PRSS21: variants seen among roughly 807,000 people sequenced by gnomAD.
PRSS21 encodes serine protease 21.
A neutral mutation model predicts 31.1 loss-of-function variants in PRSS21; 40 were observed. The ratio of observed to expected loss-of-function variants is 1.29; its 90% confidence interval spans 1.00 to 1.68. PRSS21 has a LOEUF of 1.68. Among genes scored for constraint, PRSS21 ranks in the 40% most tolerant of loss-of-function variants. The pLI is 0.00. For missense variants in PRSS21, 467 were observed against 412.6 expected (o/e 1.13, Z -1.14); for synonymous variants, 186 against 167.7 (o/e 1.11, Z -0.84).
In PRSS21 at chr16:2,817,944, A is replaced by T. The variant is rs1171318396; in HGVS notation, c.235A>T (p.Thr79Ser). ...VSLLSHRWALTAAHCFETYSD... is the reference protein window; with the variant it reads ...VSLLSHRWALSAAHCFETYSD... The stretch of plus-strand genomic sequence containing the variant: ...CCTGCTCAGCCACCGCTGGGCACTC[A>T]CGGCGGCGCACTGCTTTGAAACGTG... Residue 79 changes from threonine to serine, a missense_variant, in exon 3 of 6, where the codon ACG becomes TCG. Physicochemically the swap from Thr to Ser is moderately conservative, Grantham distance 58. Transcript: ENST00000005995. The surrounding 1 kb of genome is among the most constrained non-coding windows in gnomAD (Gnocchi z 4.2). The T allele has an allele frequency of 3.2e-6, 5 of 1,548,976 alleles. No individual in the cohort carries two copies. In the Admixed American group the frequency reaches 7.8e-5, roughly 24 times the overall value.
chr16:2,818,785 G>T lies in PRSS21; in HGVS notation c.366G>T (p.Ser122=). 1 of 1,613,604 alleles carries T rather than the reference G, an allele frequency of 6.2e-7. No homozygotes were observed. The highest frequency in any genetic ancestry group is 8.5e-7 in the Non-Finnish European group (1 of 1,179,524). The part of the protein sequence containing the change: ...LQAYYTRYFV[S]NIYLSPRYLG... The stretch of plus-strand genomic sequence containing the variant: ...CCTACTACACCCGTTACTTCGTATC[G>T]AATATCTATCTGAGCCCTCGCTACC... Residue 122 remains serine (S), a synonymous_variant, in exon 4 of 6, where the codon TCG becomes TCT. Coordinates refer to ENST00000005995, the MANE Select transcript of PRSS21 (RefSeq NM_006799.4).
chr16:2,817,385 G>A lies in PRSS21; in HGVS notation c.65-45G>A, dbSNP rs993614623. ...GGGGAGGCGGGGGAGCGGTGGGGAG[G>A]ACGGGAGGTGGAGGCCGCGGGGAGT... On this transcript the variant is annotated intron_variant, in intron 1 of 5. Coordinates refer to ENST00000005995, the MANE Select transcript of PRSS21 (RefSeq NM_006799.4). The surrounding 1 kb of genome is among the most constrained non-coding windows in gnomAD (Gnocchi z 4.2). 2 of 1,588,556 alleles carry A rather than the reference G, an allele frequency of 1.3e-6. No individual in the cohort carries two copies. Among genetic ancestry groups the A allele is most frequent in the East Asian group, 2.3e-5 (1 of 44,292 alleles).
In PRSS21 at chr16:2,817,779, G is replaced by T. The variant is rs1021503999; in HGVS notation, c.92-22G>T. The stretch of plus-strand genomic sequence containing the variant: ...TTGGGGGGCTGCCTCCCGCGGCTCA[G>T]CAGTTCCTCTGACCATCCGAGGACC... On this transcript the variant is annotated intron_variant, in intron 2 of 5. Coordinates refer to ENST00000005995, the MANE Select transcript of PRSS21 (RefSeq NM_006799.4). The surrounding 1 kb of genome is among the most constrained non-coding windows in gnomAD (Gnocchi z 4.2). 1.3e-6 allele frequency: 2 copies of T among 1,544,394 alleles called. No individual in the cohort carries two copies. Among genetic ancestry groups the T allele is most frequent in the Non-Finnish European group, 1.7e-6 (2 of 1,143,500 alleles).
At chr16:2,820,436 C>T (rs955239750) in intron 4 of PRSS21, among the ~76,000 whole-genome samples, 8 of 152,146 alleles carry the variant, frequency 5.3e-5, no homozygotes, top group Non-Finnish European at 8.8e-5. Context: ...TGGGGGTCAG[C>T]GGGGCAATAT....
At chr16:2,820,708 G>C (rs534820857) in intron 4 of PRSS21, among the ~76,000 whole-genome samples, 10 of 152,202 alleles carry the variant, frequency 6.6e-5, no homozygotes, top group African/African-American at 2.4e-4. Flanking sequence ...CAGGGCCATT[G>C]TTGCCATTCT....
rs2069100606 is a variant in PRSS21 at position 2,817,723 on chromosome 16, G to A, written c.92-78G>A. 1 of 1,506,416 alleles carries A rather than the reference G, an allele frequency of 6.6e-7. No homozygotes were observed. Among genetic ancestry groups the A allele is most frequent in the Non-Finnish European group, 8.9e-7 (1 of 1,123,292 alleles). 93.3% of individuals were successfully genotyped at this position (1,506,416 alleles called of 1,614,324 possible). ...GGGCAAAAACGTGCTTTCCCGGACG[G>A]GGTTGAAGGGGAGAAAGGGAGAGGT... On this transcript the variant is annotated intron_variant, in intron 2 of 5. Transcript: ENST00000005995. This position sits in a 1 kb window ranked among gnomAD's most constrained non-coding sequence, Gnocchi z 4.2.
At position 2,817,674 on chromosome 16, in the gene PRSS21, C is replaced by T; in HGVS notation, c.92-127C>T. 1 of 1,330,890 alleles carries T rather than the reference C, an allele frequency of 7.5e-7. No individual in the cohort carries two copies. Among genetic ancestry groups the T allele is most frequent in the Non-Finnish European group, 1.0e-6 (1 of 981,594 alleles). The allele number at this position is 1,330,890 out of a possible 1,614,324, so 82.4% of individuals were successfully genotyped here. On this transcript the variant is annotated intron_variant, in intron 2 of 5. Coordinates refer to ENST00000005995, the MANE Select transcript of PRSS21 (RefSeq NM_006799.4). This position sits in a 1 kb window ranked among gnomAD's most constrained non-coding sequence, Gnocchi z 4.2. ...CTCCAGTGTCACCTACTTCCTGCTG[C>T]ACACACGCGAGGGGACCCTGGGTGG...
Position 2,817,278 on chromosome 16 carries a change from C to T in PRSS21, c.10C>T (p.Arg4Cys). 3.3e-6 allele frequency: 5 copies of T among 1,535,246 alleles called. No homozygotes were observed. The highest frequency in any genetic ancestry group is 2.3e-4 in the Middle Eastern group (1 of 4,342). The change falls in exon 1 of 6, where the codon CGC becomes TGC. Residue 4 changes from arginine (R) to cysteine (C), a missense_variant. Arg to Cys is a radical substitution (Grantham distance 180, BLOSUM62 -3). Transcript: ENST00000005995. This position sits in a 1 kb window ranked among gnomAD's most constrained non-coding sequence, Gnocchi z 4.2. MGA[R>C]GALLLALLLA... ...CGCGGGAGAGGAGGCCATGGGCGCGCGCGGGGCGCTGCTGCTGGCGCTGCT... is the reference window on the plus strand; with the variant it reads ...CGCGGGAGAGGAGGCCATGGGCGCGTGCGGGGCGCTGCTGCTGGCGCTGCT...
At position 2,817,401 on chromosome 16, in the gene PRSS21, C is replaced by T; in HGVS notation, c.65-29C>T. On this transcript the variant is annotated intron_variant, in intron 1 of 5. Coordinates refer to ENST00000005995, the MANE Select transcript of PRSS21 (RefSeq NM_006799.4). The surrounding 1 kb of genome is among the most constrained non-coding windows in gnomAD (Gnocchi z 4.2). ...GGTGGGGAGGACGGGAGGTGGAGGC[C>T]GCGGGGAGTCACTTCTTGTCTCCCG... 6.3e-7 allele frequency: 1 copy of T among 1,594,922 alleles called. No individual in the cohort carries two copies. Among genetic ancestry groups the T allele is most frequent in the Admixed American group, 1.7e-5 (1 of 59,516 alleles).
At chr16:2,820,553 G>A (rs1302345519) in intron 4 of PRSS21, among the ~76,000 whole-genome samples, 3 of 152,104 alleles carry the variant, frequency 2.0e-5, no homozygotes, top group Non-Finnish European at 2.9e-5. Context: ...GGCCTGGAAA[G>A]CGCCCAGCTG....
chr16:2,819,600 C>T (rs764880869), intron 4 of PRSS21, among the ~76,000 whole-genome samples: 7 of 152,208 alleles, frequency 4.6e-5, no homozygotes, highest in African/African-American at 4.8e-5. Flanking sequence ...CTGTCTGGCC[C>T]GTCCCTGCAT....
In PRSS21 at chr16:2,820,983, A is replaced by C. The variant is rs749063099; in HGVS notation, c.579A>C (p.Glu193Asp). 9.3e-6 allele frequency: 15 copies of C among 1,613,850 alleles called. No homozygotes were observed. Among genetic ancestry groups the C allele is most frequent in the African/African-American group, 1.3e-5 (1 of 74,924 alleles). ...TGCCATCTCCCCACACCCTCCAGGA[A>C]GTTCAGGTCGCCATCATAAACAACT... is the stretch of plus-strand genomic sequence containing the variant. ...EALPSPHTLQ[E>D]VQVAIINNSM... Residue 193 changes from glutamate (E) to aspartate (D), a missense_variant, in exon 5 of 6, where the codon GAA becomes GAC. Glu to Asp is a conservative substitution (Grantham distance 45, BLOSUM62 2). Coordinates refer to ENST00000005995, the MANE Select transcript of PRSS21 (RefSeq NM_006799.4).
intron 5 of PRSS21, 110 bp from the exon 6 acceptor site, chr16:2,821,256 G>A (rs1385266772): frequency 1.3e-6 from 2 of 1,533,468 alleles, no homozygotes; most frequent in Non-Finnish European, 1.8e-6. Flanking sequence ...CCAGGGGGAG[G>A]AGGAGGATGT....
At chr16:2,821,288 A>G in intron 5 of PRSS21, 78 bp from the exon 6 acceptor site, 1 of 1,575,634 alleles carries the variant, frequency 6.3e-7, no homozygotes. Context: ...ACCCAGCCCC[A>G]TAGCCCTTCC....
In PRSS21 at chr16:2,817,513, G is replaced by T; in HGVS notation, c.91+57G>T. ...GGGCCGTTGGGCCGAGGTGGACGGGGGGCGGTGAGGGGGTAGAGGGGGGCC... is the reference window on the plus strand; with the variant it reads ...GGGCCGTTGGGCCGAGGTGGACGGGTGGCGGTGAGGGGGTAGAGGGGGGCC... On this transcript the variant is annotated intron_variant, in intron 2 of 5. Coordinates refer to ENST00000005995, the MANE Select transcript of PRSS21 (RefSeq NM_006799.4). The surrounding 1 kb of genome is among the most constrained non-coding windows in gnomAD (Gnocchi z 4.2). 4 of 1,367,674 alleles carry T rather than the reference G, an allele frequency of 2.9e-6. No individual in the cohort carries two copies. The highest frequency in any genetic ancestry group is 1.3e-5 in the South Asian group (1 of 76,286). 84.7% of individuals were successfully genotyped at this position (1,367,674 alleles called of 1,614,324 possible). A position where few individuals can be genotyped will look rare whatever the true frequency, so the allele number is the denominator to read the frequency against.
chr16:2,821,470 C>G lies in PRSS21; in HGVS notation c.810C>G (p.Val270=). 6.2e-7 allele frequency: 1 copy of G among 1,614,226 alleles called. No individual in the cohort carries two copies. The highest frequency in any genetic ancestry group is 1.1e-5 in the South Asian group (1 of 91,088). ...VGCGRPNRPG[V]YTNISHHFEW... is the part of the protein sequence containing the mutation. ...GTGGTCGGCCCAATCGGCCCGGTGT[C>G]TACACCAATATCAGCCACCACTTTG... Residue 270 remains valine, a synonymous_variant, in exon 6 of 6, where the codon GTC becomes GTG. Transcript: ENST00000005995.
In PRSS21 at chr16:2,821,575, C is replaced by T. The variant is rs201178045; in HGVS notation, c.915C>T (p.Leu305=). ...GGCCGCTACTCTTTTTCCCTCTTCT[C>T]TGGGCTCTCCCACTCCTGGGGCCGG... is the stretch of plus-strand genomic sequence containing the variant. ...PSWPLLFFPL[L]WALPLLGPV is the part of the protein sequence containing the mutation. The change falls in exon 6 of 6, where the codon CTC becomes CTT. Residue 305 remains leucine, a synonymous_variant. Coordinates refer to ENST00000005995, the MANE Select transcript of PRSS21 (RefSeq NM_006799.4). The T allele has an allele frequency of 1.3e-4, 212 of 1,613,884 alleles. No individual in the cohort carries two copies. The highest frequency in any genetic ancestry group is 1.7e-4 in the Non-Finnish European group (196 of 1,179,940).
chr16:2,817,888 G>C lies in PRSS21; in HGVS notation c.179G>C (p.Arg60Pro), dbSNP rs529075947. ...CGTTGGCCGTGGCAGGGGAGCCTGC[G>C]CCTGTGGGATTCCCACGTATGCGGA... ...LGRWPWQGSL[R>P]LWDSHVCGVS... Residue 60 changes from arginine to proline, a missense_variant, in exon 3 of 6, where the codon CGC (arginine) becomes CCC (proline). By Grantham distance (103) the Arg-to-Pro change is moderately radical (BLOSUM62 -2). Transcript: ENST00000005995. The surrounding 1 kb of genome is among the most constrained non-coding windows in gnomAD (Gnocchi z 4.2). 158 of 1,549,538 alleles carry C rather than the reference G, an allele frequency of 1.0e-4. No individual in the cohort carries two copies. Among genetic ancestry groups the C allele is most frequent in the Non-Finnish European group, 1.2e-4 (132 of 1,146,976 alleles).
In PRSS21 at chr16:2,821,127, C is replaced by T. The variant is rs768793459; in HGVS notation, c.705+18C>T. ...CCTGCTTCGTGAGTGTCCTTGCCAC[C>T]ACTCCCAGCCCAGGAAAGCATCCTG... On this transcript the variant is annotated intron_variant, in intron 5 of 5. Coordinates refer to ENST00000005995, the MANE Select transcript of PRSS21 (RefSeq NM_006799.4). 2 of 1,613,098 alleles carry T rather than the reference C, an allele frequency of 1.2e-6. No individual in the cohort carries two copies. Among genetic ancestry groups the T allele is most frequent in the East Asian group, 2.2e-5 (1 of 44,904 alleles).
Sources: allele counts gnomAD v4.1 joint callset (sites outside exome capture counted in the v4.1 genomes callset), GRCh38; gene constraint gnomAD v4.1.1; non-coding constraint Gnocchi (gnomAD v3.1); transcripts MANE v1.5; gene names NCBI Gene and HGNC (gene_info 2026-07-23, HGNC 2026-07-21).